LRP1B: variants seen among roughly 807,000 people sequenced by gnomAD.
LRP1B encodes the protein LDL receptor related protein 1B, also known as low-density lipoprotein receptor-related protein 1B.
A neutral mutation model predicts 556.6 loss-of-function variants in LRP1B; 217 were observed. The ratio of observed to expected loss-of-function variants is 0.39; its 90% confidence interval spans 0.35 to 0.44. The LOEUF (loss-of-function observed/expected upper bound fraction) is 0.44, where lower values mean the gene tolerates loss of function less well. Ranked by LOEUF, LRP1B falls within the 20% of genes least tolerant of loss-of-function variation. LRP1B has a pLI of 1.00. For synonymous variants in LRP1B, 2,047 were observed against 1,865.8 expected (o/e 1.10, Z -2.50); for missense variants, 5,053 against 5,620.8 (o/e 0.90, Z 3.23).
chr2:141,109,470 G>C (rs916517286), intron 7 of LRP1B, among the ~76,000 whole-genome samples: 1 of 151,982 alleles, frequency 6.6e-6, no homozygotes, highest in Non-Finnish European at 1.5e-5. Flanking sequence ...GGAGACAAAA[G>C]CCAAAAAGAT....
Position 140,953,823 on chromosome 2 carries a change from A to G in LRP1B, c.2888-1883T>C, listed in dbSNP as rs565759604. 6.6e-5 allele frequency among the ~76,000 whole-genome samples: 10 copies of G among 152,308 alleles called. No homozygotes were observed. The South Asian group carries it at 2.1e-3, about 32-fold the overall frequency. On this transcript the variant is annotated intron_variant, in intron 18 of 90. Transcript: ENST00000389484. ...AGAAATTAGACTTGCCTAATGATAC[A>G]TGTATCTCCTTAAGGAAAAACAGGT... is the stretch of plus-strand genomic sequence containing the variant.
At chr2:141,112,944 TAAGCCTGTGATAAAA>T (rs553919662) in intron 7 of LRP1B, among the ~76,000 whole-genome samples, 30 of 152,326 alleles carry the variant, frequency 2.0e-4, no homozygotes, top group South Asian at 1.0e-3. Flanking sequence ...ATTGTTAAAT[TAAGCCTGTGATAAAA>T]TTATAGGCTG....
intron 7 of LRP1B, among the ~76,000 whole-genome samples, chr2:141,119,216 A>C (rs779727275): frequency 6.6e-6 from 1 of 151,868 alleles, no homozygotes; most frequent in African/African-American, 2.4e-5. Flanking sequence ...ATCATCCGTA[A>C]GTTTTTTTCA....
At chr2:141,755,385 T>C (rs1694278461) in intron 2 of LRP1B, among the ~76,000 whole-genome samples, 1 of 151,836 alleles carries the variant, frequency 6.6e-6, no homozygotes, top group African/African-American at 2.4e-5. Context: ...GAAATACACA[T>C]AGACCACATA....
At chr2:141,396,028 A>G (rs1690227528) in intron 3 of LRP1B, among the ~76,000 whole-genome samples, 1 of 152,194 alleles carries the variant, frequency 6.6e-6, no homozygotes, top group South Asian at 2.1e-4. Flanking sequence ...TTGGAAGCTG[A>G]CAAGACTAAA....
intron 31 of LRP1B, among the ~76,000 whole-genome samples, chr2:140,830,127 C>T (rs1573775479): frequency 1.3e-5 from 2 of 151,402 alleles, no homozygotes; most frequent in South Asian, 2.1e-4. Context: ...AATACTCCAT[C>T]AAAAAAAACC....
intron 2 of LRP1B, among the ~76,000 whole-genome samples, chr2:141,691,070 C>A (rs968228117): frequency 1.3e-5 from 2 of 151,684 alleles, no homozygotes; most frequent in Non-Finnish European, 2.9e-5. Context: ...GAAATGACTT[C>A]CTAAATAAAA....
intron 77 of LRP1B, among the ~76,000 whole-genome samples, chr2:140,347,199 G>C (rs1332327808): frequency 6.6e-6 from 1 of 151,536 alleles, no homozygotes; most frequent in Non-Finnish European, 1.5e-5. Context: ...GTTATATTCT[G>C]TTCTGGGTAC....
At chr2:140,333,215 C>A (rs571450787) in intron 79 of LRP1B, among the ~76,000 whole-genome samples, 2 of 152,210 alleles carry the variant, frequency 1.3e-5, no homozygotes, top group South Asian at 2.1e-4. Context: ...AGTCAGGTCT[C>A]TCTTTCAATA....
chr2:141,207,537 G>T (rs1035300114), intron 6 of LRP1B, among the ~76,000 whole-genome samples: 1 of 152,164 alleles, frequency 6.6e-6, no homozygotes, highest in Non-Finnish European at 1.5e-5. Context: ...AAGCAAAATG[G>T]TATTTACCAA....
chr2:140,883,153 G>A (rs76259244), intron 25 of LRP1B, among the ~76,000 whole-genome samples: 3,876 of 152,188 alleles, frequency 0.025, 158 homozygotes, highest in African/African-American at 0.089. Context: ...GACTGGGCAG[G>A]AACGGGAACC....
rs572834434 is a variant in LRP1B, at chr2:141,640,650, C to T, written c.206-160117G>A. ...GTGAAACCCACCTACAAAAAGTAGC[C>T]GGGCATGATGGCATGGGCCTGTAAT... On this transcript the variant is annotated intron_variant, in intron 2 of 90. Coordinates refer to ENST00000389484, the MANE Select transcript of LRP1B (RefSeq NM_018557.3). Among the ~76,000 whole-genome samples the T allele has an allele frequency of 3.3e-5, 5 of 152,126 alleles. No homozygotes were observed. In the South Asian group the frequency reaches 8.3e-4, roughly 25 times the overall value.
At chr2:141,782,447 T>A (rs1695284608) in intron 2 of LRP1B, among the ~76,000 whole-genome samples, 1 of 151,754 alleles carries the variant, frequency 6.6e-6, no homozygotes, top group Non-Finnish European at 1.5e-5. Context: ...TAGAATTTAA[T>A]CATTTTTATG....
intron 30 of LRP1B, among the ~76,000 whole-genome samples, chr2:140,840,321 T>C (rs2105095792): frequency 6.6e-6 from 1 of 152,272 alleles, no homozygotes; most frequent in Non-Finnish European, 1.5e-5. Flanking sequence ...CTCACTTCCT[T>C]TTTCCTCCTA....
chr2:140,985,135 T>G (rs1696880333), intron 17 of LRP1B, among the ~76,000 whole-genome samples: 1 of 151,950 alleles, frequency 6.6e-6, no homozygotes, highest in Non-Finnish European at 1.5e-5. Context: ...AGAGATTTGC[T>G]GTAATCATGC....
intron 2 of LRP1B, among the ~76,000 whole-genome samples, chr2:141,695,241 T>A (rs180922052): frequency 1.3e-5 from 2 of 152,144 alleles, no homozygotes; most frequent in African/African-American, 4.8e-5. Context: ...GCATAATATA[T>A]ACAAGGCAAT....
chr2:140,483,615 C>CACACACAT (rs1403726877), intron 59 of LRP1B, among the ~76,000 whole-genome samples: 8 of 88,354 alleles, frequency 9.1e-5, no homozygotes, highest in African/African-American at 2.7e-4. Flanking sequence ...CACACACACA[C>CACACACAT]ATATATATAT....
intron 1 of LRP1B, among the ~76,000 whole-genome samples, chr2:141,982,391 CATG>C (rs1702067801): frequency 6.6e-6 from 1 of 152,154 alleles, no homozygotes; most frequent in African/African-American, 2.4e-5. Context: ...TTGAAGGCTT[CATG>C]ATAAAAGTAA....
intron 17 of LRP1B, among the ~76,000 whole-genome samples, chr2:140,985,509 G>A (rs969446147): frequency 6.6e-6 from 1 of 151,494 alleles, no homozygotes; most frequent in South Asian, 2.1e-4. Flanking sequence ...ATGTTACTAC[G>A]AGGAAACATA....
Sources: gnomAD v4.1 joint callset for allele counts (sites outside exome capture counted in the v4.1 genomes callset) on GRCh38, gnomAD v4.1.1 for gene constraint, MANE v1.5 for transcripts, NCBI Gene and HGNC (gene_info 2026-07-23, HGNC 2026-07-21) for gene names.